The following TMLHE variants were observed in gnomAD, a reference collection of about 807,000 sequenced individuals.
TMLHE encodes trimethyllysine dioxygenase, mitochondrial.
In TMLHE, 18 loss-of-function variants were observed where a neutral mutation model predicts 25.7. The observed-to-expected ratio is 0.70, with a 90% confidence interval of 0.48 to 1.04. TMLHE has a LOEUF of 1.04. Ranked by LOEUF, TMLHE falls within the 50% of genes least tolerant of loss-of-function variation. TMLHE has a pLI of 0.00. For synonymous variants in TMLHE, 105 were observed against 97.0 expected (o/e 1.08, Z -0.49); for missense variants, 236 against 259.0 (o/e 0.91, Z 0.61).
intron 3 of TMLHE, among the ~76,000 whole-genome samples, chrX:155,515,396 C>A (rs1233853077): frequency 1.8e-5 from 2 of 109,914 alleles, no homozygotes; most frequent in Non-Finnish European, 3.8e-5. Flanking sequence ...TGGGTATGTA[C>A]ATTTATTTTT....
chrX:155,593,379 C>G (rs1603092426), intron 1 of TMLHE, among the ~76,000 whole-genome samples: 2 of 112,046 alleles, frequency 1.8e-5, no homozygotes, highest in Admixed American at 1.9e-4. Context: ...CAAGCTCTGA[C>G]TTCCCAGGCT....
chrX:155,583,782 G>C (rs1557344926), intron 1 of TMLHE, among the ~76,000 whole-genome samples: 2 of 111,339 alleles, frequency 1.8e-5, no homozygotes. Flanking sequence ...CATAGAGTGA[G>C]GAATGATAAA....
At chrX:155,548,942 T>C (rs1310162658) in intron 1 of TMLHE, among the ~76,000 whole-genome samples, 1 of 110,640 alleles carries the variant, frequency 9.0e-6, no homozygotes, top group Non-Finnish European at 1.9e-5. Context: ...AAAATTAAGA[T>C]GTCTGACAAT....
chrX:155,611,518 G>A (rs1156789661), intron 1 of TMLHE: 6 of 111,301 alleles, frequency 5.4e-5, no homozygotes, highest in African/African-American at 2.0e-4. Flanking sequence ...TCCTGAAACA[G>A]AGGCCAAAAC....
intron 1 of TMLHE, among the ~76,000 whole-genome samples, chrX:155,568,330 C>T (rs1557342373): frequency 4.9e-5 from 3 of 61,597 alleles, no homozygotes; most frequent in African/African-American, 1.1e-4. Flanking sequence ...AAAAAGCAGC[C>T]GGGAAGCTCG....
intron 1 of TMLHE, among the ~76,000 whole-genome samples, chrX:155,551,592 C>A (rs2067416119): frequency 9.1e-6 from 1 of 110,063 alleles, no homozygotes; most frequent in African/African-American, 3.4e-5. Context: ...ATGTTACCTC[C>A]ACTTCACTTT....
In TMLHE at chrX:155,547,650, C is replaced by T. The variant is rs782442980; in HGVS notation, c.-1-2373G>A. 2.4e-3 allele frequency among the ~76,000 whole-genome samples: 259 copies of T among 109,448 alleles called. 2 individuals are homozygous for T. Among genetic ancestry groups the T allele is most frequent in the African/African-American group, 8.4e-3 (252 of 30,028 alleles). On this transcript the variant is annotated intron_variant, in intron 1 of 7. Transcript: ENST00000334398. ...ATGCCTGAGGAAAGTGGTGGAGCTC[C>T]ACATGACTAGTGTTCTTTGAAGAAG...
At chrX:155,610,301 G>A (rs1557348194) in intron 1 of TMLHE, among the ~76,000 whole-genome samples, 1 of 112,328 alleles carries the variant, frequency 8.9e-6, no homozygotes, top group East Asian at 2.8e-4. Context: ...CATAGGCACA[G>A]AAAGTAGATT....
In TMLHE at chrX:155,592,926, C is replaced by CT. The variant is rs1439279198; in HGVS notation, c.-2+19865dup. ...CCCAGCCTCAGACTCCCCAAGGCCC[C>CT]TTCCAGGGAGAGAGTTGCCCATCAC... is the stretch of plus-strand genomic sequence containing the variant. On this transcript the variant is annotated intron_variant, in intron 1 of 7. Coordinates refer to ENST00000334398, the MANE Select transcript of TMLHE (RefSeq NM_018196.4). Among the ~76,000 whole-genome samples, 3 of 112,004 alleles carry CT rather than the reference C, an allele frequency of 2.7e-5. No individual in the cohort carries two copies. In the South Asian group the frequency reaches 1.1e-3, roughly 42 times the overall value.
At chrX:155,552,514 C>T (rs1323477126) in intron 1 of TMLHE, among the ~76,000 whole-genome samples, 3 of 109,741 alleles carry the variant, frequency 2.7e-5, no homozygotes, top group African/African-American at 1.0e-4. Flanking sequence ...AAATTATTTA[C>T]AATATCCAAT....
rs954154711 is a variant in TMLHE, at chrX:155,530,775, C to T, written c.182-6143G>A. ...AGTGGGAATCTGTGGTGTATTTTAGCATGGGGTGCTCCCACTCCTATTCCT... is the reference window on the plus strand; with the variant it reads ...AGTGGGAATCTGTGGTGTATTTTAGTATGGGGTGCTCCCACTCCTATTCCT... On this transcript the variant is annotated intron_variant, in intron 2 of 7. Coordinates refer to ENST00000334398, the MANE Select transcript of TMLHE (RefSeq NM_018196.4). 3.6e-5 allele frequency among the ~76,000 whole-genome samples: 4 copies of T among 112,625 alleles called. No individual in the cohort carries two copies. The East Asian group carries it at 1.1e-3, about 31-fold the overall frequency.
chrX:155,545,096 C>G lies in TMLHE; in HGVS notation c.181G>C (p.Glu61Gln), dbSNP rs1339392235. 1.7e-6 allele frequency: 2 copies of G among 1,205,482 alleles called. No homozygotes were observed. The highest frequency in any genetic ancestry group is 3.5e-5 in the African/African-American group (2 of 57,028). ...CAWQQHEDHF[E>Q]LKYANTVMRF... ...GTATCTGTCTTCACACATCTCTTAC[C>G]AAAATGATCTTCATGTTGCTGCCAA... Residue 61 changes from glutamate (E) to glutamine (Q), a missense_variant and splice_region_variant, in exon 2 of 8, where the codon GAG becomes CAG. Physicochemically the swap from Glu to Gln is conservative, Grantham distance 29 (BLOSUM62 2). Transcript: ENST00000334398.
intron 1 of TMLHE, among the ~76,000 whole-genome samples, chrX:155,609,468 T>C (rs189298220): frequency 4.7e-4 from 52 of 111,671 alleles, no homozygotes; most frequent in African/African-American, 1.0e-3. Flanking sequence ...TGAAATAATA[T>C]GTACGCCACA....
At chrX:155,547,433 A>C (rs1557338951) in intron 1 of TMLHE, among the ~76,000 whole-genome samples, 1 of 112,048 alleles carries the variant, frequency 8.9e-6, no homozygotes, top group Non-Finnish European at 1.9e-5. Flanking sequence ...GTGAGCCACC[A>C]CGACCAGCTA....
chrX:155,575,509 A>G (rs2067584379), intron 1 of TMLHE, among the ~76,000 whole-genome samples: 1 of 112,096 alleles, frequency 8.9e-6, no homozygotes, highest in African/African-American at 3.2e-5. Flanking sequence ...AAGGATCTCA[A>G]CGCCAAGGAT....
At chrX:155,516,142 T>C (rs1557335023) in intron 3 of TMLHE, among the ~76,000 whole-genome samples, 1 of 46,191 alleles carries the variant, frequency 2.2e-5, no homozygotes, top group Non-Finnish European at 4.1e-5. Context: ...GCATTAGGTA[T>C]ATCTCCCAAT....
Position 155,570,088 on chromosome X carries a change from C to T in TMLHE, c.-1-24811G>A, listed in dbSNP as rs2067538872. ...CCATCAGTGTGCTGTATTCAGGAAA[C>T]CCATCTCACGTGCAGAGACACACAT... On this transcript the variant is annotated intron_variant, in intron 1 of 7. Coordinates refer to ENST00000334398, the MANE Select transcript of TMLHE (RefSeq NM_018196.4). 3.6e-5 allele frequency among the ~76,000 whole-genome samples: 2 copies of T among 55,734 alleles called. 1 individual carries two copies. Among genetic ancestry groups the T allele is most frequent in the Non-Finnish European group, 9.3e-5 (2 of 21,581 alleles). 48.4% of individuals were successfully genotyped at this position (55,734 alleles called of 115,157 possible).
chrX:155,597,417 C>T (rs1313039417), intron 1 of TMLHE, among the ~76,000 whole-genome samples: 4 of 111,312 alleles, frequency 3.6e-5, no homozygotes, highest in Non-Finnish European at 7.5e-5. Flanking sequence ...ACTAGTTCAA[C>T]CATTGTGGAA....
intron 1 of TMLHE, among the ~76,000 whole-genome samples, chrX:155,609,472 C>A (rs782576093): frequency 9.0e-6 from 1 of 111,486 alleles, no homozygotes; most frequent in South Asian, 3.8e-4. Flanking sequence ...ATAATATGTA[C>A]GCCACACCCC....
Sources: gnomAD v4.1 joint callset for allele counts (sites outside exome capture counted in the v4.1 genomes callset) on GRCh38, gnomAD v4.1.1 for gene constraint, MANE v1.5 for transcripts, NCBI Gene and HGNC (gene_info 2026-07-23, HGNC 2026-07-21) for gene names.